The following SF3B3 variants were observed in gnomAD, a reference collection of about 807,000 sequenced individuals.
SF3B3 encodes SAP 130.
Under a neutral mutation model 139.2 loss-of-function variants are expected in SF3B3, and 33 were observed. The observed-to-expected ratio is 0.24, with a 90% CI of 0.18 to 0.32. SF3B3 has a LOEUF of 0.32. Ranked by LOEUF, SF3B3 falls within the 10% of genes least tolerant of loss-of-function variation. SF3B3 has a pLI of 1.00. For synonymous variants in SF3B3, 596 were observed against 563.6 expected (o/e 1.06, Z -0.81); for missense variants, 818 against 1,509.4 (o/e 0.54, Z 7.59).
Position 70,565,067 on chromosome 16 carries a change from A to G in SF3B3, c.2466A>G (p.Glu822=), listed in dbSNP as rs772511242. The change falls in exon 19 of 26, where the codon GAA becomes GAG. Residue 822 remains glutamate (E), a splice_region_variant and synonymous_variant. Coordinates refer to ENST00000302516, the MANE Select transcript of SF3B3 (RefSeq NM_012426.5). ...KAQRKQQMAE[E]MVEAAGEDER... is the part of the protein sequence containing the mutation. ...GTTACTCGTTTTTTTGGGTTTAGGA[A>G]ATGGTGGAAGCAGCAGGGGAGGATG... 1.2e-6 allele frequency: 2 copies of G among 1,613,016 alleles called. No homozygotes were observed. The highest frequency in any genetic ancestry group is 1.3e-5 in the African/African-American group (1 of 74,866).
chr16:70,526,829 G>A (rs976768894), intron 2 of SF3B3, 103 bp downstream of exon 2: 7 of 792,050 alleles, frequency 8.8e-6, no homozygotes, highest in Admixed American at 4.7e-5. Context: ...CAAAACAGTT[G>A]TTGGTAAATG....
At chr16:70,524,463 A>G (rs990590790) in intron 1 of SF3B3, 4 of 152,406 alleles carry the variant, frequency 2.6e-5, no homozygotes, top group African/African-American at 9.6e-5. Context: ...GAGCAATCAT[A>G]CAAGCTTTTT....
At chr16:70,541,974 C>T (rs1209544133) in intron 9 of SF3B3, 140 bp downstream of exon 9, 5 of 695,020 alleles carry the variant, frequency 7.2e-6, no homozygotes, top group Non-Finnish European at 1.1e-5. Context: ...CACAAAAAAC[C>T]ATTAATAAGT....
intron 6 of SF3B3, among the ~76,000 whole-genome samples, chr16:70,535,738 T>C (rs1408226731): frequency 6.6e-6 from 1 of 151,978 alleles, no homozygotes; most frequent in East Asian, 1.9e-4. Flanking sequence ...AGGTTGCCTT[T>C]TATTCTATTT....
intron 1 of SF3B3, among the ~76,000 whole-genome samples, chr16:70,525,458 T>C (rs772936238): frequency 6.6e-6 from 1 of 152,186 alleles, no homozygotes; most frequent in Non-Finnish European, 1.5e-5. Flanking sequence ...CAAAGGTTTG[T>C]AATGGATTGT....
At chr16:70,570,207 T>A in intron 24 of SF3B3, 58 bp downstream of exon 24, 1 of 1,561,220 alleles carries the variant, frequency 6.4e-7, no homozygotes, top group South Asian at 1.1e-5. Flanking sequence ...TGGTGCTGGA[T>A]CTACCTAAGA....
chr16:70,546,901 G>T (rs747227138), intron 10 of SF3B3, among the ~76,000 whole-genome samples: 17 of 151,984 alleles, frequency 1.1e-4, no homozygotes, highest in Non-Finnish European at 2.5e-4. Flanking sequence ...GGTGGCGGGC[G>T]CCTGTAGTCC....
rs977107599 is a variant in SF3B3 at position 70,567,932 on chromosome 16, C to T, written c.2953-351C>T. Among the ~76,000 whole-genome samples, 24 of 152,306 alleles carry T rather than the reference C, an allele frequency of 1.6e-4. 1 individual carries two copies. The highest frequency in any genetic ancestry group is 1.9e-4 in the East Asian group (1 of 5,160). ...TTAACTCCTGATCTCATGATCTACC[C>T]GCCTTAGCCTCCCAAAGTCCTGGGT... On this transcript the variant is annotated intron_variant, in intron 21 of 25. Transcript: ENST00000302516.
At chr16:70,542,088 G>A (rs778833471) in intron 9 of SF3B3, among the ~76,000 whole-genome samples, 6 of 152,070 alleles carry the variant, frequency 3.9e-5, no homozygotes, top group African/African-American at 9.7e-5. Context: ...GACCATACAA[G>A]AAGTGAGAAG....
chr16:70,552,625 T>C (rs1218050628), intron 11 of SF3B3, among the ~76,000 whole-genome samples: 2 of 152,236 alleles, frequency 1.3e-5, no homozygotes, highest in African/African-American at 2.4e-5. Flanking sequence ...TTATTCCTTA[T>C]GATTTGGAAA....
rs114281400 is a variant in SF3B3 at position 70,556,547 on chromosome 16, T to G, written c.1866+213T>G. On this transcript the variant is annotated intron_variant, in intron 14 of 25. Coordinates refer to ENST00000302516, the MANE Select transcript of SF3B3 (RefSeq NM_012426.5). ...ATATGATCTGAGACTACAGAAATGT[T>G]TCTTTGGCTTAAGCCTCAACTCCTT... The G allele has an allele frequency of 2.4e-3, 1,513 of 625,390 alleles. 29 individuals are homozygous for G. In the African/African-American group the frequency reaches 0.025, roughly 10 times the overall value. The allele number at this position is 625,390 out of a possible 1,614,324, so 38.7% of individuals were successfully genotyped here.
intron 11 of SF3B3, among the ~76,000 whole-genome samples, chr16:70,552,032 A>G (rs1378834177): frequency 1.3e-5 from 2 of 152,248 alleles, no homozygotes; most frequent in African/African-American, 4.8e-5. Context: ...TAGCAAAAGT[A>G]TGACCCTATT....
At chr16:70,563,396 C>G (rs1174558013) in intron 17 of SF3B3, among the ~76,000 whole-genome samples, 1 of 152,226 alleles carries the variant, frequency 6.6e-6, no homozygotes, top group Non-Finnish European at 1.5e-5. Flanking sequence ...GTGTACATCT[C>G]TGTCCCATTT....
chr16:70,530,836 A>G lies in SF3B3; in HGVS notation c.489A>G (p.Ala163=). 6.2e-7 allele frequency: 1 copy of G among 1,614,162 alleles called. No homozygotes were observed. Among genetic ancestry groups the G allele is most frequent in the Non-Finnish European group, 8.5e-7 (1 of 1,180,004 alleles). The change falls in exon 4 of 26, where the codon GCA becomes GCG. Residue 163 remains alanine (A), a synonymous_variant. Coordinates refer to ENST00000302516, the MANE Select transcript of SF3B3 (RefSeq NM_012426.5). ...CATCTCCCCTGGAAGCCCACAAAGC[A>G]AACACTTTAGTGTATCATGTAGTTG... is the stretch of plus-strand genomic sequence containing the variant. ...TISSPLEAHK[A]NTLVYHVVGV... is the part of the protein sequence containing the mutation.
chr16:70,535,969 A>G (rs929913608), intron 6 of SF3B3, among the ~76,000 whole-genome samples: 4 of 152,198 alleles, frequency 2.6e-5, no homozygotes, highest in African/African-American at 9.6e-5. Context: ...GTAATCTTCT[A>G]AGATAATGGC....
intron 5 of SF3B3, among the ~76,000 whole-genome samples, chr16:70,534,877 C>T (rs1464390449): frequency 2.0e-5 from 3 of 152,090 alleles, no homozygotes; most frequent in Non-Finnish European, 1.5e-5. Context: ...CCGTGTTGGC[C>T]AGGCTGGTCT....
chr16:70,529,924 G>A (rs1452461845), intron 3 of SF3B3, among the ~76,000 whole-genome samples: 4 of 151,898 alleles, frequency 2.6e-5, no homozygotes, highest in Non-Finnish European at 4.4e-5. Flanking sequence ...CTTGAGGTCA[G>A]GAGTTTGAGA....
chr16:70,529,120 C>T lies in SF3B3; in HGVS notation c.318C>T (p.Thr106=). The change falls in exon 3 of 26, where the codon ACC becomes ACT. Residue 106 remains threonine (T), a synonymous_variant. Transcript: ENST00000302516. The part of the protein sequence containing the change: ...KNMFEKIHQE[T]FGKSGCRRIV... ...TGTTTGAGAAGATTCACCAAGAAACCTTTGGCAAGAGTGGATGCCGTCGCA... is the reference window on the plus strand; with the variant it reads ...TGTTTGAGAAGATTCACCAAGAAACTTTTGGCAAGAGTGGATGCCGTCGCA... 1 of 1,614,230 alleles carries T rather than the reference C, an allele frequency of 6.2e-7. No homozygotes were observed. The highest frequency in any genetic ancestry group is 8.5e-7 in the Non-Finnish European group (1 of 1,180,038).
rs1340318422 is a variant in SF3B3 at position 70,570,033 on chromosome 16, G to A, written c.3292G>A (p.Gly1098Arg). The change falls in exon 24 of 26, where the codon GGG becomes AGG. Residue 1098 changes from glycine to arginine, a missense_variant. This residue lies in a region of SF3B3 where 91 missense variants were observed against 171.8 expected (regional missense o/e 0.53). Transcript: ENST00000302516. The part of the protein sequence containing the change: ...KAEVIMNYHV[G>R]ETVLSLQKTT... ...AGAGGTGATCATGAACTACCATGTC[G>A]GGGAGACGGTGCTGTCCTTGCAGAA... is the stretch of plus-strand genomic sequence containing the variant. 1.2e-6 allele frequency: 2 copies of A among 1,614,024 alleles called. No individual in the cohort carries two copies. The highest frequency in any genetic ancestry group is 1.7e-6 in the Non-Finnish European group (2 of 1,179,992).
Sources: gnomAD v4.1 joint callset for allele counts (sites outside exome capture counted in the v4.1 genomes callset) on GRCh38, gnomAD v4.1.1 for gene constraint, gnomAD v4.1.1 regional missense constraint, MANE v1.5 for transcripts, NCBI Gene and HGNC (gene_info 2026-07-23, HGNC 2026-07-21) for gene names.